The following TSHZ2 variants were observed in gnomAD, a reference collection of about 807,000 sequenced individuals.
TSHZ2 encodes teashirt homolog 2.
TSHZ2 carries 21 observed loss-of-function variants against 74.4 expected under a neutral mutation model. That is an observed-to-expected ratio of 0.28 (90% CI 0.20 to 0.41). The LOEUF is 0.41. TSHZ2 is among the 10% of genes least tolerant of loss of function. The pLI, the probability that TSHZ2 is intolerant of heterozygous loss-of-function variation, is 1.00. For missense variants in TSHZ2, 1,244 were observed against 1,293.5 expected (o/e 0.96, Z 0.59); for synonymous variants, 540 against 515.3 (o/e 1.05, Z -0.65).
intron 1 of TSHZ2, among the ~76,000 whole-genome samples, chr20:53,230,039 A>G (rs1568824670): frequency 8.3e-6 from 1 of 120,474 alleles, no homozygotes; most frequent in East Asian, 2.9e-4. Flanking sequence ...AAGGAAGGAA[A>G]GAAGGAAGGG....
intron 1 of TSHZ2, among the ~76,000 whole-genome samples, chr20:53,209,141 C>T (rs921024868): frequency 2.6e-5 from 4 of 152,118 alleles, no homozygotes; most frequent in Non-Finnish European, 5.9e-5. Context: ...GTCACCCAGG[C>T]TAGAATGCAG....
intron 2 of TSHZ2, among the ~76,000 whole-genome samples, chr20:53,381,882 T>A (rs1438379466): frequency 6.6e-6 from 1 of 152,236 alleles, no homozygotes; most frequent in African/African-American, 2.4e-5. Flanking sequence ...TTACCTGCTG[T>A]CCCATGTCTC....
chr20:53,375,468 G>A (rs1232810192), intron 2 of TSHZ2, among the ~76,000 whole-genome samples: 1 of 152,170 alleles, frequency 6.6e-6, no homozygotes, highest in Non-Finnish European at 1.5e-5. Flanking sequence ...ACTTACTAAA[G>A]GAAAGTTGAG....
chr20:53,224,059 T>A (rs955529497), intron 1 of TSHZ2, among the ~76,000 whole-genome samples: 3 of 152,052 alleles, frequency 2.0e-5, no homozygotes, highest in Admixed American at 1.3e-4. Flanking sequence ...AGGGGAAGGA[T>A]ATGGAGGATT....
chr20:53,009,572 G>T (rs752618282), intron 1 of TSHZ2, among the ~76,000 whole-genome samples: 90 of 152,140 alleles, frequency 5.9e-4, no homozygotes, highest in Non-Finnish European at 1.2e-3. Context: ...TTGACCACAG[G>T]TAACTGAAAC....
At chr20:53,061,867 C>G (rs931167180) in intron 1 of TSHZ2, among the ~76,000 whole-genome samples, 2 of 152,140 alleles carry the variant, frequency 1.3e-5, no homozygotes, top group Non-Finnish European at 2.9e-5. Flanking sequence ...AGACATGGCC[C>G]ACTTGAAATA....
intron 2 of TSHZ2, among the ~76,000 whole-genome samples, chr20:53,400,682 C>A (rs147635802): frequency 2.3e-4 from 35 of 152,286 alleles, no homozygotes; most frequent in African/African-American, 6.7e-4. Context: ...AATGGAAAAG[C>A]CTGCCCTCAC....
At chr20:53,314,287 C>CAAAAAAAAAAAAAAAAAAAAAAAAAAAAA (rs5841941) in intron 2 of TSHZ2, among the ~76,000 whole-genome samples, 5 of 131,706 alleles carry the variant, frequency 3.8e-5, no homozygotes, top group Non-Finnish European at 8.0e-5. Flanking sequence ...GACTCTGTCT[C>CAAAAAAAAAAAAAAAAAAAAAAAAAAAAA]AAAAAAAAAA....
chr20:53,160,745 CAAAAAAAA>C (rs10653039), intron 1 of TSHZ2, among the ~76,000 whole-genome samples: 1 of 95,850 alleles, frequency 1.0e-5, no homozygotes, highest in Non-Finnish European at 2.1e-5. Context: ...ACTCTGTCTC[CAAAAAAAA>C]AAAAAAAAAA....
rs1051519663 is a variant in TSHZ2 at position 53,392,264 on chromosome 20, G to A, written c.*9-94880G>A. Among the ~76,000 whole-genome samples, 44 of 152,128 alleles carry A rather than the reference G, an allele frequency of 2.9e-4. 1 individual carries two copies. The highest frequency in any genetic ancestry group is 2.9e-3 in the Admixed American group (44 of 15,268). Reference sequence around the variant, plus strand: ...GTTCAAGACCAGCCTGACCAACATGGTGAAACCCCATCTCTACTAAATACA... The same window carrying A: ...GTTCAAGACCAGCCTGACCAACATGATGAAACCCCATCTCTACTAAATACA... On this transcript the variant is annotated intron_variant, in intron 2 of 2. Coordinates refer to ENST00000371497, the MANE Select transcript of TSHZ2 (RefSeq NM_173485.6).
At chr20:53,223,463 C>G (rs1363384429) in intron 1 of TSHZ2, among the ~76,000 whole-genome samples, 1 of 152,140 alleles carries the variant, frequency 6.6e-6, no homozygotes, top group Non-Finnish European at 1.5e-5. Flanking sequence ...ATGATCATGG[C>G]TCTCTGTAGC....
intron 1 of TSHZ2, among the ~76,000 whole-genome samples, chr20:52,987,532 CCTCTCT>C: frequency 6.7e-6 from 1 of 149,552 alleles, no homozygotes; most frequent in Non-Finnish European, 1.5e-5. Context: ...TTCTCTCTCT[CCTCTCT>C]CTCTCTCTCC....
At chr20:53,022,672 A>G (rs1362459580) in intron 1 of TSHZ2, among the ~76,000 whole-genome samples, 1 of 152,212 alleles carries the variant, frequency 6.6e-6, no homozygotes, top group African/African-American at 2.4e-5. Context: ...TGCCAAGCAC[A>G]TGGCTTGTTT....
At chr20:53,022,284 T>C (rs1000832384) in intron 1 of TSHZ2, among the ~76,000 whole-genome samples, 1 of 152,212 alleles carries the variant, frequency 6.6e-6, no homozygotes, top group African/African-American at 2.4e-5. Flanking sequence ...TGAGTATGTA[T>C]ATTTAACACA....
intron 2 of TSHZ2, among the ~76,000 whole-genome samples, chr20:53,286,413 C>T (rs1345054109): frequency 6.6e-6 from 1 of 152,188 alleles, no homozygotes; most frequent in African/African-American, 2.4e-5. Flanking sequence ...GTCTACAGTC[C>T]TTCATTAGAG....
rs1048578623 is a variant in TSHZ2, at chr20:53,150,645, T to A, written c.41-102854T>A. On this transcript the variant is annotated intron_variant, in intron 1 of 2. Coordinates refer to ENST00000371497, the MANE Select transcript of TSHZ2 (RefSeq NM_173485.6). ...AAAATAAAATAAAATAAAAGTTTTT[T>A]AAAAAAAAGAAGGAAAGAAAGAGAA... Among the ~76,000 whole-genome samples, 13 of 144,636 alleles carry A rather than the reference T, an allele frequency of 9.0e-5. No homozygotes were observed. The East Asian group carries it at 1.0e-3, about 11-fold the overall frequency. The allele number at this position is 144,636 out of a possible 152,430, so 94.9% of individuals were successfully genotyped here.
chr20:53,412,991 G>C (rs1049871694), intron 2 of TSHZ2: 1 of 152,250 alleles, frequency 6.6e-6, no homozygotes, highest in African/African-American at 2.4e-5. Context: ...ACAATACTCG[G>C]GTTTGTCTTG....
chr20:53,085,941 G>T (rs773570511), intron 1 of TSHZ2, among the ~76,000 whole-genome samples: 1 of 152,116 alleles, frequency 6.6e-6, no homozygotes, highest in African/African-American at 2.4e-5. Flanking sequence ...CTCCAGCTGC[G>T]CTCAACCTCA....
intron 2 of TSHZ2, among the ~76,000 whole-genome samples, chr20:53,336,493 A>G (rs117378675): frequency 1.3e-5 from 2 of 152,160 alleles, no homozygotes; most frequent in Non-Finnish European, 1.5e-5. Flanking sequence ...TCATTGTAAG[A>G]TCTCATTGAT....
Sources: allele counts gnomAD v4.1 joint callset (sites outside exome capture counted in the v4.1 genomes callset), GRCh38; gene constraint gnomAD v4.1.1; transcripts MANE v1.5; gene names NCBI Gene and HGNC (gene_info 2026-07-23, HGNC 2026-07-21).